The following LMNTD1 variants were observed in gnomAD, a reference collection of about 807,000 sequenced individuals.
LMNTD1 encodes the protein lamin tail domain-containing protein 1.
LMNTD1 carries 35 observed loss-of-function variants against 50.9 expected under a neutral mutation model. The ratio of observed to expected loss-of-function variants is 0.69; its 90% CI spans 0.53 to 0.91. The LOEUF (loss-of-function observed/expected upper bound fraction) is 0.91. Ranked by LOEUF, LMNTD1 falls within the 40% of genes least tolerant of loss-of-function variation. The pLI, the probability that LMNTD1 is intolerant of heterozygous loss-of-function variation, is 0.00. For synonymous variants in LMNTD1, 153 were observed against 161.9 expected (o/e 0.94, Z 0.42); for missense variants, 470 against 475.5 (o/e 0.99, Z 0.11).
At chr12:25,552,411 G>A (rs1943804584) in intron 2 of LMNTD1, among the ~76,000 whole-genome samples, 1 of 151,736 alleles carries the variant, frequency 6.6e-6, no homozygotes, top group South Asian at 2.1e-4. Flanking sequence ...GAGGTCAGGA[G>A]ATCAAGACCA....
intron 1 of LMNTD1, among the ~76,000 whole-genome samples, chr12:25,578,832 C>T (rs1250569313): frequency 2.0e-5 from 3 of 152,170 alleles, no homozygotes; most frequent in African/African-American, 7.2e-5. Context: ...TTGGCCTTAA[C>T]AGTACAATGA....
chr12:25,593,286 A>G (rs778235870), intron 1 of LMNTD1, among the ~76,000 whole-genome samples: 7 of 152,138 alleles, frequency 4.6e-5, no homozygotes, highest in Non-Finnish European at 7.4e-5. Context: ...AACCAAAGCC[A>G]AGGACCCTTA....
intron 3 of LMNTD1, among the ~76,000 whole-genome samples, chr12:25,548,486 T>C (rs905588631): frequency 4.6e-5 from 7 of 151,986 alleles, no homozygotes; most frequent in African/African-American, 1.7e-4. Flanking sequence ...TCATAACTAA[T>C]GTTTATTGAG....
intron 1 of LMNTD1, among the ~76,000 whole-genome samples, chr12:25,567,089 G>A (rs967232766): frequency 3.9e-5 from 6 of 152,152 alleles, no homozygotes; most frequent in African/African-American, 7.2e-5. Context: ...CTGAAGTGAC[G>A]CTGGGTTGTT....
intron 8 of LMNTD1, among the ~76,000 whole-genome samples, chr12:25,518,561 G>T (rs1233683346): frequency 6.6e-6 from 1 of 152,088 alleles, no homozygotes; most frequent in Non-Finnish European, 1.5e-5. Context: ...TTAATTCATT[G>T]ATTCATTCAA....
upstream of LMNTD1, among the ~76,000 whole-genome samples, chr12:25,554,801 C>T (rs1355490825): frequency 6.6e-6 from 1 of 152,170 alleles, no homozygotes; most frequent in Non-Finnish European, 1.5e-5. Context: ...CAGTGGTTCC[C>T]ACCTGTAATC....
At chr12:25,566,620 G>C (rs1429971015) in intron 1 of LMNTD1, among the ~76,000 whole-genome samples, 3 of 152,196 alleles carry the variant, frequency 2.0e-5, no homozygotes, top group Non-Finnish European at 4.4e-5. Context: ...ATAAGACTGT[G>C]TTGAGCCCAA....
chr12:25,565,599 CCTT>C (rs1273263596), intron 1 of LMNTD1, among the ~76,000 whole-genome samples: 4 of 152,102 alleles, frequency 2.6e-5, no homozygotes, highest in Non-Finnish European at 5.9e-5. Flanking sequence ...ATCCTTTAGT[CCTT>C]CTACGTAAGA....
At chr12:25,489,304 A>C (rs1474756895) in intron 9 of LMNTD1, among the ~76,000 whole-genome samples, 1 of 149,932 alleles carries the variant, frequency 6.7e-6, no homozygotes, top group Non-Finnish European at 1.5e-5. Context: ...GGACCCTCCG[A>C]GCCAGGTGTG....
At chr12:25,521,301 C>T (rs928114495) in intron 6 of LMNTD1, among the ~76,000 whole-genome samples, 1 of 152,116 alleles carries the variant, frequency 6.6e-6, no homozygotes, top group Non-Finnish European at 1.5e-5. Context: ...CAAAGGACCA[C>T]GTCAAGGAGC....
chr12:25,549,364 G>T lies in LMNTD1; in HGVS notation c.272C>A (p.Ala91Asp). The T allele has an allele frequency of 6.2e-7, 1 of 1,611,634 alleles. No homozygotes were observed. Among genetic ancestry groups the T allele is most frequent in the Non-Finnish European group, 8.5e-7 (1 of 1,178,506 alleles). The change falls in exon 3 of 10, where the codon GCT becomes GAT. Residue 91 changes from alanine to aspartate, a missense_variant. Ala to Asp is a moderately radical substitution (Grantham distance 126). Coordinates refer to ENST00000458174, the MANE Select transcript of LMNTD1 (RefSeq NM_001145728.2). ...CACTCTGGAACAGCTACCTACAGTA[G>T]CTTTAGAAGTCAATTGTCCAGTTGT... ...ISTTGQLTSK[A>D]TVGSCSRVEN...
At chr12:25,611,786 C>G (rs140231213) in intron 1 of LMNTD1, among the ~76,000 whole-genome samples, 28 of 152,230 alleles carry the variant, frequency 1.8e-4, no homozygotes, top group Admixed American at 4.6e-4. Flanking sequence ...ATCCCATTTC[C>G]TTAGAGAGCA....
At chr12:25,528,605 C>T (rs990488398) in intron 4 of LMNTD1, among the ~76,000 whole-genome samples, 1 of 152,188 alleles carries the variant, frequency 6.6e-6, no homozygotes, top group Non-Finnish European at 1.5e-5. Flanking sequence ...CAAATTATCT[C>T]ACTAAGAAAA....
At chr12:25,487,711 C>T (rs12809539) in intron 9 of LMNTD1, among the ~76,000 whole-genome samples, 9,340 of 105,934 alleles carry the variant, frequency 0.088, 441 homozygotes, top group East Asian at 0.38. Flanking sequence ...TGTTAGTTGA[C>T]GCAGTTTCTT....
At chr12:25,607,306 G>C (rs1488856777) in intron 1 of LMNTD1, among the ~76,000 whole-genome samples, 3 of 152,060 alleles carry the variant, frequency 2.0e-5, no homozygotes, top group Non-Finnish European at 4.4e-5. Context: ...TTGATTTTTT[G>C]AAGGGTTTTT....
At chr12:25,519,586 T>TTAAAAAAAAAAAAAAAAAAAAAA (rs781742784) in intron 7 of LMNTD1, among the ~76,000 whole-genome samples, 6 of 74,936 alleles carry the variant, frequency 8.0e-5, no homozygotes, top group Non-Finnish European at 1.2e-4. Context: ...AGACTCTGTC[T>TTAAAAAAAAAAAAAAAAAAAAAA]CAAAAAAAAA....
intron 4 of LMNTD1, among the ~76,000 whole-genome samples, chr12:25,541,416 A>G (rs988741488): frequency 1.4e-5 from 2 of 145,952 alleles, no homozygotes; most frequent in African/African-American, 2.5e-5. Context: ...AAATAACGCC[A>G]CATATCTACA....
At chr12:25,577,290 C>T (rs1945067919) in intron 1 of LMNTD1, among the ~76,000 whole-genome samples, 1 of 152,162 alleles carries the variant, frequency 6.6e-6, no homozygotes, top group African/African-American at 2.4e-5. Flanking sequence ...GGCAGTATGG[C>T]CATTTTCACA....
intron 1 of LMNTD1, among the ~76,000 whole-genome samples, chr12:25,595,953 A>G (rs1415828486): frequency 6.6e-6 from 1 of 152,142 alleles, no homozygotes; most frequent in Non-Finnish European, 1.5e-5. Flanking sequence ...CAAGGCTACT[A>G]TGAATATCTT....
Sources: allele counts gnomAD v4.1 joint callset (sites outside exome capture counted in the v4.1 genomes callset), GRCh38; gene constraint gnomAD v4.1.1; transcripts MANE v1.5; gene names NCBI Gene and HGNC (gene_info 2026-07-23, HGNC 2026-07-21).